Variants in ZNF423 observed in about 807,000 individuals in gnomAD.
The protein encoded by ZNF423 is zinc finger protein 423.
In ZNF423, 12 loss-of-function variants were observed where a neutral mutation model predicts 95.8. The ratio of observed to expected loss-of-function variants is 0.13; its 90% confidence interval spans 0.08 to 0.20. The LOEUF is 0.20. ZNF423 is among the 10% of genes least tolerant of loss of function. The pLI is 1.00. For synonymous variants in ZNF423, 749 were observed against 711.9 expected (o/e 1.05, Z -0.83); for missense variants, 1,316 against 1,737.1 (o/e 0.76, Z 4.31).
intron 3 of ZNF423, among the ~76,000 whole-genome samples, chr16:49,726,086 C>T (rs1196845591): frequency 6.6e-6 from 1 of 152,188 alleles, no homozygotes; most frequent in Admixed American, 6.5e-5. Flanking sequence ...GTGCTCCAGC[C>T]CCGGGGACCT....
At chr16:49,499,685 C>A (rs1313096950) in intron 7 of ZNF423, among the ~76,000 whole-genome samples, 1 of 152,196 alleles carries the variant, frequency 6.6e-6, no homozygotes, top group Non-Finnish European at 1.5e-5. Context: ...CACAAAAGAC[C>A]AACGCAGGTG....
intron 1 of ZNF423, among the ~76,000 whole-genome samples, chr16:49,830,250 G>A (rs910464759): frequency 1.3e-5 from 2 of 152,164 alleles, no homozygotes; most frequent in African/African-American, 4.8e-5. Context: ...GGAAAGCCAT[G>A]CAGAGGAAAG....
At chr16:49,572,168 G>A (rs541458729) in intron 5 of ZNF423, among the ~76,000 whole-genome samples, 3 of 152,270 alleles carry the variant, frequency 2.0e-5, no homozygotes, top group South Asian at 2.1e-4. Flanking sequence ...CTGGAGTGGA[G>A]ACAACACAGA....
At chr16:49,646,568 C>CTTTCTTTTTTTTTTTTTTTTTTTTTTT (rs1973176196) in intron 3 of ZNF423, among the ~76,000 whole-genome samples, 1 of 120,720 alleles carries the variant, frequency 8.3e-6, no homozygotes, top group Non-Finnish European at 1.8e-5. Flanking sequence ...ATTTTCTTTT[C>CTTTCTTTTTTTTTTTTTTTTTTTTTTT]TTTTTCTTTT....
intron 3 of ZNF423, chr16:49,730,550 C>T: frequency 1.7e-6 from 1 of 592,844 alleles, no homozygotes. Flanking sequence ...GGGGCCGGGA[C>T]AGAGCACCAC....
In ZNF423 at chr16:49,583,807, C is replaced by G. The variant is rs544845349; in HGVS notation, c.3601+42363G>C. ...TGGTCCTATAACCAAGTACCACAACCTTGCAAATATCAACTATCTGTCCAA... is the reference window on the plus strand; with the variant it reads ...TGGTCCTATAACCAAGTACCACAACGTTGCAAATATCAACTATCTGTCCAA... On this transcript the variant is annotated intron_variant, in intron 5 of 7. Transcript: ENST00000563137. Among the ~76,000 whole-genome samples, 4 of 152,318 alleles carry G rather than the reference C, an allele frequency of 2.6e-5. 1 individual carries two copies. The highest frequency in any genetic ancestry group is 9.6e-5 in the African/African-American group (4 of 41,566).
chr16:49,830,491 G>A (rs942894739), intron 1 of ZNF423, among the ~76,000 whole-genome samples: 1 of 152,110 alleles, frequency 6.6e-6, no homozygotes, highest in East Asian at 1.9e-4. Context: ...AACTCCAAAG[G>A]GAGCTCCGTA....
At chr16:49,564,804 C>T (rs1409054426) in intron 5 of ZNF423, among the ~76,000 whole-genome samples, 1 of 152,224 alleles carries the variant, frequency 6.6e-6, no homozygotes, top group African/African-American at 2.4e-5. Context: ...GCCCTTGGTC[C>T]CCCGCCAGCA....
At chr16:49,626,512 G>A (rs1972276131) in intron 4 of ZNF423, among the ~76,000 whole-genome samples, 1 of 152,132 alleles carries the variant, frequency 6.6e-6, no homozygotes, top group Non-Finnish European at 1.5e-5. Context: ...AAGCTTTAAG[G>A]GAGCTGAGGG....
intron 5 of ZNF423, among the ~76,000 whole-genome samples, chr16:49,601,595 A>C (rs974301861): frequency 2.0e-5 from 3 of 152,234 alleles, no homozygotes; most frequent in African/African-American, 7.2e-5. Context: ...TGGTGGGGAC[A>C]GGCTGGAGTC....
At chr16:49,736,925 C>T (rs1436871145) in intron 2 of ZNF423, among the ~76,000 whole-genome samples, 9 of 152,114 alleles carry the variant, frequency 5.9e-5, no homozygotes, top group Non-Finnish European at 1.2e-4. Flanking sequence ...AGACAGATGG[C>T]CCCATGCCCT....
chr16:49,683,810 G>A (rs1308010723), intron 3 of ZNF423, among the ~76,000 whole-genome samples: 1 of 152,160 alleles, frequency 6.6e-6, no homozygotes, highest in Non-Finnish European at 1.5e-5. Context: ...AGGCATGATG[G>A]TGTGCGCCTG....
chr16:49,533,177 T>C (rs752916079), intron 5 of ZNF423, among the ~76,000 whole-genome samples: 2 of 152,218 alleles, frequency 1.3e-5, no homozygotes, highest in Non-Finnish European at 1.5e-5. Context: ...CTAGGTTGTC[T>C]TCCTTGATTC....
rs748651721 is a variant in ZNF423 at position 49,635,954 on chromosome 16, G to A, written c.3222C>T (p.Cys1074=). Residue 1074 remains cysteine, a synonymous_variant, in exon 4 of 8, where the codon TGC becomes TGT. Coordinates refer to ENST00000563137, the MANE Select transcript of ZNF423 (RefSeq NM_001379286.1). This position sits in a 1 kb window ranked among gnomAD's most constrained non-coding sequence, Gnocchi z 4.8. ...TGCGGAACTCCTTGAGGCACAGGGC[G>A]CACTTGTAGAGCTTCTGCAGCCCCT... ...NGQGLQKLYK[C]ALCLKEFRSK... The A allele has an allele frequency of 3.6e-5, 57 of 1,595,152 alleles. No individual in the cohort carries two copies. The highest frequency in any genetic ancestry group is 4.4e-5 in the Non-Finnish European group (52 of 1,169,600).
chr16:49,740,013 C>A (rs561373346), intron 2 of ZNF423, among the ~76,000 whole-genome samples: 2 of 151,956 alleles, frequency 1.3e-5, no homozygotes, highest in Non-Finnish European at 2.9e-5. Flanking sequence ...CGCCTGCCAA[C>A]GCACTCGGCT....
At chr16:49,656,682 T>C (rs2029891011) in intron 3 of ZNF423, among the ~76,000 whole-genome samples, 1 of 152,198 alleles carries the variant, frequency 6.6e-6, no homozygotes, top group African/African-American at 2.4e-5. Flanking sequence ...TTGTATTCTA[T>C]ATCATACATT....
rs150663909 is a variant in ZNF423, at chr16:49,814,880, C to A, written c.41-25334G>T. Reference sequence around the variant, plus strand: ...CCAGGAGTGTGGATGGCCAGCAAGACGGAGGCGACAGGAGGCGGTCAGGTC... The same window carrying A: ...CCAGGAGTGTGGATGGCCAGCAAGAAGGAGGCGACAGGAGGCGGTCAGGTC... On this transcript the variant is annotated intron_variant, in intron 1 of 7. Coordinates refer to ENST00000563137, the MANE Select transcript of ZNF423 (RefSeq NM_001379286.1). 7.2e-5 allele frequency among the ~76,000 whole-genome samples: 11 copies of A among 152,212 alleles called. No homozygotes were observed. The East Asian group carries it at 1.9e-3, about 27-fold the overall frequency.
chr16:49,777,297 T>C (rs1224875915), intron 2 of ZNF423, among the ~76,000 whole-genome samples: 1 of 152,228 alleles, frequency 6.6e-6, no homozygotes, highest in East Asian at 1.9e-4. Context: ...TACATGTGCA[T>C]TGTGTGCAAA....
chr16:49,771,555 T>C (rs1389413325), intron 2 of ZNF423, among the ~76,000 whole-genome samples: 1 of 152,160 alleles, frequency 6.6e-6, no homozygotes, highest in East Asian at 1.9e-4. Context: ...GGAGGGACCC[T>C]GTTGGAGATA....
Sources: allele counts gnomAD v4.1 joint callset (sites outside exome capture counted in the v4.1 genomes callset), GRCh38; gene constraint gnomAD v4.1.1; non-coding constraint Gnocchi (gnomAD v3.1); transcripts MANE v1.5; gene names NCBI Gene and HGNC (gene_info 2026-07-23, HGNC 2026-07-21).